BCLAF3: variants seen among roughly 807,000 people sequenced by gnomAD.
BCLAF3 encodes the protein BCLAF1 and THRAP3 family member 3, also known as transient octamer binding factor 1.
In BCLAF3, 24 loss-of-function variants were observed where a neutral mutation model predicts 51.2. The ratio of observed to expected loss-of-function variants is 0.47; its 90% CI spans 0.34 to 0.66. BCLAF3 has a LOEUF of 0.66. Among genes scored for constraint, BCLAF3 ranks in the 30% least tolerant of loss-of-function variants. The pLI is 0.01. For synonymous variants in BCLAF3, 152 were observed against 176.6 expected, an observed-to-expected ratio of 0.86 and a Z score of 1.10; for missense variants, 465 against 525.1, an observed-to-expected ratio of 0.89 and a Z score of 1.12.
At chrX:19,931,977 C>G (rs1412399934) in intron 10 of BCLAF3, among the ~76,000 whole-genome samples, 1 of 112,194 alleles carries the variant, frequency 8.9e-6, no homozygotes, top group African/African-American at 3.2e-5. Context: ...CCTTACCACT[C>G]AAGAGCTAAG....
chrX:19,938,979 T>C (rs2147801267), intron 8 of BCLAF3, among the ~76,000 whole-genome samples: 1 of 112,187 alleles, frequency 8.9e-6, no homozygotes, highest in Non-Finnish European at 1.9e-5. Context: ...TTGCTATTCC[T>C]TCAGAGGAAG....
intron 11 of BCLAF3, among the ~76,000 whole-genome samples, chrX:19,921,828 T>A (rs1477728157): frequency 9.3e-6 from 1 of 107,253 alleles, no homozygotes; most frequent in Non-Finnish European, 1.9e-5. Flanking sequence ...CATGGTGAAA[T>A]CCCACCTCTA....
At chrX:19,935,339 T>C (rs1490343013) in intron 10 of BCLAF3, 1 of 115,267 alleles carries the variant, frequency 8.7e-6, no homozygotes, top group Non-Finnish European at 1.8e-5. Context: ...TGTGATAAAA[T>C]ATGCTTTAAC....
intron 1 of BCLAF3, among the ~76,000 whole-genome samples, chrX:19,975,249 A>T (rs1403628551): frequency 1.8e-5 from 2 of 111,493 alleles, no homozygotes; most frequent in Admixed American, 1.9e-4. Flanking sequence ...TGTTAAAAAA[A>T]AAAAAAGAAG....
chrX:19,974,912 CTATT>C (rs749592618), intron 1 of BCLAF3, among the ~76,000 whole-genome samples: 39 of 111,217 alleles, frequency 3.5e-4, no homozygotes, highest in African/African-American at 1.1e-3. Context: ...AAATTTCAAA[CTATT>C]CATTCAAAGA....
chrX:19,961,497 C>T (rs934775781), intron 4 of BCLAF3, among the ~76,000 whole-genome samples: 1 of 111,949 alleles, frequency 8.9e-6, no homozygotes, highest in Admixed American at 9.5e-5. Context: ...ACAAAATTAG[C>T]CATCTTAGCA....
chrX:19,972,489 C>T (rs1307205233), intron 1 of BCLAF3, among the ~76,000 whole-genome samples: 3 of 111,966 alleles, frequency 2.7e-5, no homozygotes, highest in Non-Finnish European at 3.8e-5. Flanking sequence ...AAAAACAAAA[C>T]ATATTTATTG....
intron 4 of BCLAF3, 83 bp downstream of exon 4, chrX:19,964,961 C>T (rs2071995675): frequency 1.2e-6 from 1 of 851,362 alleles, no homozygotes; most frequent in Non-Finnish European, 1.6e-6. Flanking sequence ...ACTCTAAACA[C>T]ACTATTAATT....
At chrX:19,942,409 T>C (rs1371616414) in intron 8 of BCLAF3, among the ~76,000 whole-genome samples, 1 of 11,702 alleles carries the variant, frequency 8.5e-5, no homozygotes, top group Non-Finnish European at 1.4e-4. Flanking sequence ...GGCTGTGGGT[T>C]TGTCATAGAT....
intron 1 of BCLAF3, among the ~76,000 whole-genome samples, chrX:19,971,405 A>G (rs2072253647): frequency 8.9e-6 from 1 of 112,292 alleles, no homozygotes; most frequent in Non-Finnish European, 1.9e-5. Flanking sequence ...TCTAATACTC[A>G]ACTGCTGCCT....
intron 8 of BCLAF3, among the ~76,000 whole-genome samples, chrX:19,938,373 C>A (rs184245344): frequency 2.1e-4 from 24 of 111,630 alleles, no homozygotes; most frequent in Admixed American, 5.7e-4. Context: ...ATCTCCCCAA[C>A]AGGCACACTG....
intron 9 of BCLAF3, among the ~76,000 whole-genome samples, chrX:19,936,270 G>T (rs1004703428): frequency 1.8e-5 from 2 of 112,061 alleles, no homozygotes; most frequent in South Asian, 3.7e-4. Context: ...GGTTCCTACT[G>T]CCTAAGAAGA....
At chrX:19,925,015 G>A (rs928816578) in intron 11 of BCLAF3, among the ~76,000 whole-genome samples, 45 of 111,343 alleles carry the variant, frequency 4.0e-4, no homozygotes, top group Admixed American at 3.3e-3. Context: ...CACAGTAAAA[G>A]GGACTTAGGG....
At position 19,965,189 on chromosome X, in the gene BCLAF3, CTTCT is replaced by C. The variant is rs781138135; in HGVS notation, c.1125_1128del (p.Glu376GlyfsTer23). 3 of 1,204,666 alleles carry C rather than the reference CTTCT, an allele frequency of 2.5e-6. No individual in the cohort carries two copies. Among genetic ancestry groups the C allele is most frequent in the Non-Finnish European group, 3.4e-6 (3 of 893,813 alleles). On this transcript the variant is annotated frameshift_variant, in exon 4 of 12. Transcript: ENST00000379682. LOFTEE classifies it high-confidence loss of function. ...GAATTGCTCTCTTTTCTACAATCCCCTTCTTTCTTTATTTTTTCCTTCCATTTGT... is the reference window on the plus strand; with the variant it reads ...GAATTGCTCTCTTTTCTACAATCCCCTTCTTTATTTTTTCCTTCCATTTGT...
At chrX:19,953,622 A>AAG (rs2071566510) in intron 6 of BCLAF3, among the ~76,000 whole-genome samples, 156 bp downstream of exon 6, 1 of 112,064 alleles carries the variant, frequency 8.9e-6, no homozygotes, top group Non-Finnish European at 1.9e-5. Context: ...TGGCCAGATA[A>AAG]TGCTTGGATT....
At chrX:19,989,475 G>A (rs376371853) in intron 1 of BCLAF3, among the ~76,000 whole-genome samples, 1 of 112,057 alleles carries the variant, frequency 8.9e-6, no homozygotes, top group East Asian at 2.8e-4. Flanking sequence ...CAGCCTGGGC[G>A]ACAGAGTGAG....
chrX:19,932,966 T>C (rs1483961905), intron 10 of BCLAF3, among the ~76,000 whole-genome samples: 3 of 112,369 alleles, frequency 2.7e-5, no homozygotes, highest in Non-Finnish European at 5.6e-5. Context: ...AATGGCTGCA[T>C]TAAATAACAA....
intron 11 of BCLAF3, among the ~76,000 whole-genome samples, chrX:19,925,657 T>C (rs1005569851): frequency 2.7e-5 from 3 of 111,566 alleles, no homozygotes; most frequent in Non-Finnish European, 5.6e-5. Flanking sequence ...ATATAAATGG[T>C]ACCTCACCCA....
chrX:19,935,641 G>A, intron 10 of BCLAF3, 168 bp downstream of exon 10: 1 of 452,786 alleles, frequency 2.2e-6, no homozygotes. Context: ...TAAGGAAAGG[G>A]GTCATCAACA....
Sources: gnomAD v4.1 joint callset for allele counts (sites outside exome capture counted in the v4.1 genomes callset) on GRCh38, gnomAD v4.1.1 for gene constraint, MANE v1.5 for transcripts, NCBI Gene and HGNC (gene_info 2026-07-23, HGNC 2026-07-21) for gene names.